USP47: variants seen among roughly 807,000 people sequenced by gnomAD.
USP47 encodes ubiquitin carboxyl-terminal hydrolase 47.
In USP47, 35 loss-of-function variants were observed where a neutral mutation model predicts 165.1. That is an observed-to-expected ratio of 0.21 (90% CI 0.16 to 0.28). USP47 has a LOEUF of 0.28. Among genes scored for constraint, USP47 ranks in the 10% least tolerant of loss-of-function variants. The pLI is 1.00. For missense variants in USP47, 1,277 were observed against 1,607.4 expected, an observed-to-expected ratio of 0.79 and a Z score of 3.52; for synonymous variants, 531 against 544.5, an observed-to-expected ratio of 0.98 and a Z score of 0.35.
At chr11:11,877,486 T>C (rs771825827) in intron 1 of USP47, among the ~76,000 whole-genome samples, 18 of 152,332 alleles carry the variant, frequency 1.2e-4, no homozygotes, top group Non-Finnish European at 1.9e-4. Context: ...TGAGAAATTC[T>C]ATGTATAAGG....
chr11:11,911,280 G>A (rs956182681), intron 8 of USP47, among the ~76,000 whole-genome samples: 3 of 152,118 alleles, frequency 2.0e-5, no homozygotes, highest in African/African-American at 7.2e-5. Flanking sequence ...TGGAAGGAGA[G>A]CAAAGGTGTA....
chr11:11,955,114 G>A lies in USP47; in HGVS notation c.3843G>A (p.Leu1281=), dbSNP rs768647807. The A allele has an allele frequency of 1.9e-6, 3 of 1,613,890 alleles. No individual in the cohort carries two copies. Among genetic ancestry groups the A allele is most frequent in the Non-Finnish European group, 1.7e-6 (2 of 1,179,922 alleles). Residue 1281 remains leucine, a synonymous_variant, in exon 27 of 28, where the codon CTG becomes CTA. Coordinates refer to ENST00000527733, the MANE Select transcript of USP47 (RefSeq NM_001282659.2). ...DLDWNPKVST[L]NVWPLYICDD... is the part of the protein sequence containing the mutation. ...ACTGGAATCCTAAAGTTTCTACCCT[G>A]AATGTCTGGCCTCTTTATATCTGTG...
rs768628776 is a variant in USP47, at chr11:11,930,115, C to T, written c.1590C>T (p.Phe530=). Reference sequence around the variant, plus strand: ...GCAGAGGATATTATTCTAGTGCTTTCGCAAGGTAAGCAATTTCCTAATTTT... The same window carrying T: ...GCAGAGGATATTATTCTAGTGCTTTTGCAAGGTAAGCAATTTCCTAATTTT... The part of the protein sequence containing the change: ...SGSRGYYSSA[F]ASSTNAYMLI... Residue 530 remains phenylalanine (F), a synonymous_variant, in exon 13 of 28, where the codon TTC becomes TTT. Coordinates refer to ENST00000527733, the MANE Select transcript of USP47 (RefSeq NM_001282659.2). 1.1e-5 allele frequency: 17 copies of T among 1,611,760 alleles called. No individual in the cohort carries two copies. Among genetic ancestry groups the T allele is most frequent in the Admixed American group, 5.0e-5 (3 of 59,898 alleles).
Position 11,960,011 on chromosome 11 carries a change from A to G in USP47, c.*3836A>G, listed in dbSNP as rs146400416. ...GGAGATAAAAATACTCAATGCTTAC[A>G]TTTTTTTCATAACTGTGCCAATTGT... On this transcript the variant is annotated 3_prime_UTR_variant, in exon 28 of 28. Coordinates refer to ENST00000527733, the MANE Select transcript of USP47 (RefSeq NM_001282659.2). Among the ~76,000 whole-genome samples the G allele has an allele frequency of 1.6e-3, 245 of 152,050 alleles. 2 individuals are homozygous for G. Among genetic ancestry groups the G allele is most frequent in the African/African-American group, 5.2e-3 (215 of 41,464 alleles).
chr11:11,852,991 A>G (rs1011996687), intron 1 of USP47, among the ~76,000 whole-genome samples: 8 of 152,136 alleles, frequency 5.3e-5, no homozygotes, highest in African/African-American at 1.7e-4. Flanking sequence ...CTTTTATTTT[A>G]CATGAAAATG....
At chr11:11,875,591 A>G (rs374365371) in intron 1 of USP47, among the ~76,000 whole-genome samples, 2 of 152,026 alleles carry the variant, frequency 1.3e-5, no homozygotes, top group Non-Finnish European at 2.9e-5. Context: ...AAACAAGACT[A>G]TGGTTTTATT....
intron 2 of USP47, among the ~76,000 whole-genome samples, chr11:11,881,467 G>A (rs1850824709): frequency 1.3e-5 from 2 of 152,052 alleles, no homozygotes; most frequent in African/African-American, 4.8e-5. Flanking sequence ...TCTATGTCTT[G>A]ACCTTAGTCT....
At chr11:11,889,915 G>T (rs765169166) in intron 3 of USP47, among the ~76,000 whole-genome samples, 1 of 151,964 alleles carries the variant, frequency 6.6e-6, no homozygotes, top group African/African-American at 2.4e-5. Context: ...ATCTACAACC[G>T]TCTGATCTTC....
Position 11,956,209 on chromosome 11 carries a change from T to C in USP47, c.*34T>C, listed in dbSNP as rs757226369. On this transcript the variant is annotated 3_prime_UTR_variant, in exon 28 of 28. Transcript: ENST00000527733. ...GTGTAGCATTTTCCCTGGGGGAGTT[T>C]TGGTTTTAATTAGATGGTTCACTAC... 1.9e-6 allele frequency: 3 copies of C among 1,609,964 alleles called. No individual in the cohort carries two copies. The highest frequency in any genetic ancestry group is 2.2e-5 in the South Asian group (2 of 90,194).
At chr11:11,862,426 G>GA (rs1256563990) in intron 1 of USP47, among the ~76,000 whole-genome samples, 2 of 56,652 alleles carry the variant, frequency 3.5e-5, no homozygotes, top group East Asian at 1.5e-3. Flanking sequence ...ATACATTGTG[G>GA]GTTTTTTCAT....
chr11:11,855,208 A>G (rs1848969343), intron 1 of USP47, among the ~76,000 whole-genome samples: 1 of 152,202 alleles, frequency 6.6e-6, no homozygotes. Flanking sequence ...AGTTTGGTTT[A>G]TATAGGTGGT....
At chr11:11,923,509 G>A (rs942697860) in intron 11 of USP47, among the ~76,000 whole-genome samples, 11 of 151,958 alleles carry the variant, frequency 7.2e-5, no homozygotes, top group Admixed American at 2.6e-4. Flanking sequence ...ATAGGATCTT[G>A]CCCCTGTGTC....
intron 19 of USP47, among the ~76,000 whole-genome samples, chr11:11,941,333 G>A (rs1349406287): frequency 3.8e-5 from 2 of 52,024 alleles, no homozygotes; most frequent in Non-Finnish European, 6.5e-5. Flanking sequence ...AAGAAGTGCA[G>A]TAGGGAAACT....
chr11:11,905,909 G>A lies in USP47; in HGVS notation c.969+361G>A, dbSNP rs115664857. 4.1e-3 allele frequency among the ~76,000 whole-genome samples: 625 copies of A among 151,884 alleles called. 1 individual carries two copies. Among genetic ancestry groups the A allele is most frequent in the African/African-American group, 0.015 (609 of 41,436 alleles). The stretch of plus-strand genomic sequence containing the variant: ...TTGCACTGGAAAGTACTTTGTTTTG[G>A]GGGGATTGTTTTGATCCATACACTT... On this transcript the variant is annotated intron_variant, in intron 8 of 27. Coordinates refer to ENST00000527733, the MANE Select transcript of USP47 (RefSeq NM_001282659.2).
chr11:11,871,511 AAAAAAAAAAAAAAAAAAAAAAAAAAAAG>A (rs1255974024), intron 1 of USP47, among the ~76,000 whole-genome samples: 10 of 44,074 alleles, frequency 2.3e-4, no homozygotes, highest in African/African-American at 9.2e-4. Flanking sequence ...CAAAAAAAAA[AAAAAAAAAAAAAAAAAAAAAAAAAAAAG>A]AATTCTGGTT....
Position 11,842,077 on chromosome 11 carries a change from G to A in USP47, c.-109G>A, listed in dbSNP as rs1848150804. 1.1e-5 allele frequency: 15 copies of A among 1,360,956 alleles called. No homozygotes were observed. The highest frequency in any genetic ancestry group is 1.4e-5 in the Non-Finnish European group (14 of 994,248). The allele number at this position is 1,360,956 out of a possible 1,614,324, so 84.3% of individuals were successfully genotyped here. On this transcript the variant is annotated 5_prime_UTR_variant, in exon 1 of 28. Coordinates refer to ENST00000527733, the MANE Select transcript of USP47 (RefSeq NM_001282659.2). ...CTGAGGCCTCCGCTATTGCTGGAGC[G>A]CAGGCGGCGGAGAGGATGACTGCCG...
intron 8 of USP47, among the ~76,000 whole-genome samples, chr11:11,915,063 A>C (rs762721300): frequency 3.3e-5 from 5 of 152,210 alleles, no homozygotes; most frequent in African/African-American, 4.8e-5. Flanking sequence ...TTAATATTCA[A>C]AACTGGAATC....
intron 8 of USP47, among the ~76,000 whole-genome samples, chr11:11,915,014 A>T (rs1038926475): frequency 6.6e-6 from 1 of 152,208 alleles, no homozygotes; most frequent in Admixed American, 6.5e-5. Context: ...TTATGTTTAC[A>T]TGAAAACCTG....
chr11:11,862,603 T>C (rs1849446886), intron 1 of USP47, among the ~76,000 whole-genome samples: 1 of 152,240 alleles, frequency 6.6e-6, no homozygotes, highest in Non-Finnish European at 1.5e-5. Flanking sequence ...TAAAATTTTT[T>C]GAGAAATTTG....
Sources: gnomAD v4.1 joint callset for allele counts (sites outside exome capture counted in the v4.1 genomes callset) on GRCh38, gnomAD v4.1.1 for gene constraint, MANE v1.5 for transcripts, NCBI Gene and HGNC (gene_info 2026-07-23, HGNC 2026-07-21) for gene names.